Variants in FMN2 observed in about 807,000 individuals in gnomAD.
FMN2 encodes formin-2.
A neutral mutation model predicts 142.3 loss-of-function variants in FMN2; 51 were observed. The observed-to-expected ratio is 0.36, with a 90% confidence interval of 0.29 to 0.45. The LOEUF is 0.45. Ranked by LOEUF, FMN2 falls within the 20% of genes least tolerant of loss-of-function variation. The probability of loss-of-function intolerance (pLI) is 1.00; values close to 1 mark genes in which losing one functional copy is unlikely to be tolerated. For missense variants in FMN2, 1,936 were observed against 2,122.8 expected (o/e 0.91, Z 1.73); for synonymous variants, 882 against 869.8 (o/e 1.01, Z -0.25).
intron 14 of FMN2, among the ~76,000 whole-genome samples, chr1:240,363,237 T>C (rs190176534): frequency 4.6e-5 from 7 of 152,344 alleles, no homozygotes; most frequent in African/African-American, 1.4e-4. Context: ...AGACACTTTT[T>C]CCAGTAATGA....
At chr1:240,180,963 T>C (rs555998940) in intron 3 of FMN2, among the ~76,000 whole-genome samples, 1 of 152,238 alleles carries the variant, frequency 6.6e-6, no homozygotes, top group Admixed American at 6.5e-5. Flanking sequence ...AGGACTTTTT[T>C]TTTTCCTGCG....
chr1:240,348,174 A>T (rs4659964), intron 13 of FMN2, among the ~76,000 whole-genome samples: 44,898 of 151,732 alleles, frequency 0.3, 6,971 homozygotes, highest in Admixed American at 0.44. Context: ...AACAATGTAT[A>T]AGCATTTCAT....
intron 8 of FMN2, among the ~76,000 whole-genome samples, chr1:240,303,404 T>C (rs989988238): frequency 2.0e-5 from 3 of 152,192 alleles, no homozygotes; most frequent in Non-Finnish European, 2.9e-5. Context: ...TTTTCCCTCA[T>C]AGTCAAAGGA....
chr1:240,185,274 G>T (rs904948042), intron 3 of FMN2, among the ~76,000 whole-genome samples: 1 of 151,116 alleles, frequency 6.6e-6, no homozygotes, highest in African/African-American at 2.4e-5. Flanking sequence ...TTCTCTCCCA[G>T]TGGTTCTCAT....
intron 6 of FMN2, among the ~76,000 whole-genome samples, chr1:240,227,707 C>T (rs1196886422): frequency 6.6e-6 from 1 of 152,096 alleles, no homozygotes; most frequent in African/African-American, 2.4e-5. Context: ...AAAGAATGGT[C>T]TTTTCAACAA....
rs1258221544 is a variant in FMN2, at chr1:240,368,321, T to G, written c.4858+12413T>G. Among the ~76,000 whole-genome samples the G allele has an allele frequency of 1.2e-4, 18 of 152,316 alleles. No individual in the cohort carries two copies. The East Asian group carries it at 3.3e-3, about 28-fold the overall frequency. On this transcript the variant is annotated intron_variant, in intron 14 of 17. Coordinates refer to ENST00000319653, the MANE Select transcript of FMN2 (RefSeq NM_020066.5). Reference sequence around the variant, plus strand: ...GGCTATAGATCAGACTGGGTAGAACTGACATCTTTATGATATCAAGGCTTT... The same window carrying G: ...GGCTATAGATCAGACTGGGTAGAACGGACATCTTTATGATATCAAGGCTTT...
intron 4 of FMN2, among the ~76,000 whole-genome samples, chr1:240,202,648 G>A (rs1045838313): frequency 3.3e-5 from 5 of 151,956 alleles, no homozygotes; most frequent in Admixed American, 1.3e-4. Flanking sequence ...CATTTTTGTT[G>A]AGATGAAGTC....
chr1:240,281,585 A>G (rs965811102), intron 7 of FMN2, among the ~76,000 whole-genome samples: 1 of 152,172 alleles, frequency 6.6e-6, no homozygotes, highest in African/African-American at 2.4e-5. Context: ...GGATGAATAA[A>G]AATATTTTGT....
At chr1:240,406,046 G>A (rs1674150631) in intron 15 of FMN2, among the ~76,000 whole-genome samples, 1 of 142,046 alleles carries the variant, frequency 7.0e-6, no homozygotes, top group Non-Finnish European at 1.5e-5. Context: ...TCAGGAGTCG[G>A]GGAAGCGAAG....
At chr1:240,377,356 T>C (rs1451812011) in intron 14 of FMN2, among the ~76,000 whole-genome samples, 2 of 152,130 alleles carry the variant, frequency 1.3e-5, no homozygotes, top group African/African-American at 2.4e-5. Flanking sequence ...TTCTTTTGTC[T>C]TGTGTTTGCA....
At chr1:240,329,699 G>T (rs963910742) in intron 10 of FMN2, among the ~76,000 whole-genome samples, 1 of 152,114 alleles carries the variant, frequency 6.6e-6, no homozygotes, top group Non-Finnish European at 1.5e-5. Context: ...AATACATGTT[G>T]GCCTCCAGAG....
Position 240,093,248 on chromosome 1 carries a change from A to G in FMN2, c.1139A>G (p.Glu380Gly), listed in dbSNP as rs1572738417. Residue 380 changes from glutamate to glycine, a missense_variant, in exon 1 of 18, where the codon GAA becomes GGA. Glu to Gly is a moderately conservative substitution (Grantham distance 98, BLOSUM62 -2). Transcript: ENST00000319653. ...GAGGACGCCCCGCAGAGGCTGGGGG[A>G]AGAGCCGGAGGAGGAGGCGCAAGGA... ...VGEDAPQRLG[E>G]EPEEEAQGPD... 1 of 1,573,188 alleles carries G rather than the reference A, an allele frequency of 6.4e-7. No homozygotes were observed. The highest frequency in any genetic ancestry group is 8.6e-7 in the Non-Finnish European group (1 of 1,160,960).
intron 16 of FMN2, among the ~76,000 whole-genome samples, chr1:240,452,279 T>C (rs1052954196): frequency 4.6e-5 from 7 of 152,170 alleles, no homozygotes; most frequent in Admixed American, 2.6e-4. Context: ...TAGGCATTCA[T>C]TTAGAATTTC....
At chr1:240,093,878 C>T (rs1465721783) in intron 1 of FMN2, among the ~76,000 whole-genome samples, 154 bp downstream of exon 1, 5 of 152,200 alleles carry the variant, frequency 3.3e-5, no homozygotes, top group African/African-American at 1.2e-4. Flanking sequence ...AGCGAGCTCA[C>T]CCCCCACGGT....
intron 7 of FMN2, among the ~76,000 whole-genome samples, chr1:240,266,028 T>TTTG (rs1421121139): frequency 6.6e-6 from 1 of 151,110 alleles, no homozygotes; most frequent in Non-Finnish European, 1.5e-5. Context: ...TCCTTTTTTT[T>TTTG]TTTTTTAATA....
chr1:240,343,662 T>A (rs868586486), intron 13 of FMN2, among the ~76,000 whole-genome samples: 10 of 152,148 alleles, frequency 6.6e-5, no homozygotes, highest in South Asian at 4.1e-4. Flanking sequence ...CTTTACCAGG[T>A]GAACAAATTT....
chr1:240,430,447 G>A (rs189773428), intron 15 of FMN2, among the ~76,000 whole-genome samples: 6 of 152,108 alleles, frequency 3.9e-5, no homozygotes, highest in African/African-American at 1.4e-4. Context: ...CAACTCTTAT[G>A]AGTATGAAAT....
At chr1:240,441,111 C>T (rs1298310708) in intron 16 of FMN2, among the ~76,000 whole-genome samples, 1 of 151,422 alleles carries the variant, frequency 6.6e-6, no homozygotes, top group African/African-American at 2.4e-5. Flanking sequence ...TCTCCTGCCT[C>T]AGCCTCCTGA....
chr1:240,322,642 A>G (rs1219529315), intron 8 of FMN2, among the ~76,000 whole-genome samples: 1 of 152,184 alleles, frequency 6.6e-6, no homozygotes. Context: ...TCTTTCCTCA[A>G]GAAACAGTTC....
Sources: gnomAD v4.1 joint callset for allele counts (sites outside exome capture counted in the v4.1 genomes callset) on GRCh38, gnomAD v4.1.1 for gene constraint, MANE v1.5 for transcripts, NCBI Gene and HGNC (gene_info 2026-07-23, HGNC 2026-07-21) for gene names.